The following COL11A1 variants were observed in gnomAD, a reference collection of about 807,000 sequenced individuals.
COL11A1 encodes the protein collagen type XI alpha 1 chain, also known as collagen alpha-1(XI) chain.
A neutral mutation model predicts 265.2 loss-of-function variants in COL11A1; 74 were observed. The observed-to-expected ratio is 0.28, with a 90% CI of 0.23 to 0.34. The LOEUF is 0.34. Among genes scored for constraint, COL11A1 ranks in the 10% least tolerant of loss-of-function variants. The pLI, the probability that COL11A1 is intolerant of heterozygous loss-of-function variation, is 1.00. For synonymous variants in COL11A1, 816 were observed against 727.6 expected, an observed-to-expected ratio of 1.12 and a Z score of -1.96; for missense variants, 2,165 against 2,263.6, an observed-to-expected ratio of 0.96 and a Z score of 0.88.
chr1:103,047,709 T>G (rs1669417032), intron 4 of COL11A1, among the ~76,000 whole-genome samples: 1 of 151,618 alleles, frequency 6.6e-6, no homozygotes, highest in African/African-American at 2.4e-5. Flanking sequence ...CTTCCAGTTT[T>G]TGCCCATTCA....
At chr1:102,959,247 T>C (rs6672647) in intron 41 of COL11A1, among the ~76,000 whole-genome samples, 94,981 of 152,130 alleles carry the variant, frequency 0.62, 31,504 homozygotes, top group East Asian at 0.91. Flanking sequence ...TCAGTAATTA[T>C]ATGTTGTATT....
chr1:102,900,413 T>C (rs1424214386), intron 54 of COL11A1, among the ~76,000 whole-genome samples: 3 of 152,102 alleles, frequency 2.0e-5, no homozygotes, highest in African/African-American at 7.2e-5. Flanking sequence ...TTTAAAATAA[T>C]AACATATGCA....
chr1:103,099,175 A>T lies in COL11A1; in HGVS notation c.106+8898T>A, dbSNP rs975657505. ...TAAATCAGATAAACATACCTATACC[A>T]GTGATTTTAGTGTAACTAAAATATA... is the stretch of plus-strand genomic sequence containing the variant. On this transcript the variant is annotated intron_variant, in intron 1 of 66. Transcript: ENST00000370096. 1.6e-4 allele frequency among the ~76,000 whole-genome samples: 25 copies of T among 151,900 alleles called. No individual in the cohort carries two copies. In the South Asian group the frequency reaches 1.7e-3, roughly 10 times the overall value.
At chr1:103,039,148 T>TACAC (rs1668614424) in intron 4 of COL11A1, among the ~76,000 whole-genome samples, 2 of 152,204 alleles carry the variant, frequency 1.3e-5, no homozygotes, top group African/African-American at 4.8e-5. Flanking sequence ...TTTATTTATT[T>TACAC]TTGAACTGTA....
intron 3 of COL11A1, among the ~76,000 whole-genome samples, chr1:103,078,384 C>T (rs1198370841): frequency 1.3e-5 from 2 of 152,040 alleles, no homozygotes; most frequent in Non-Finnish European, 2.9e-5. Flanking sequence ...CTTAAAACTA[C>T]CCACCCCACT....
intron 4 of COL11A1, among the ~76,000 whole-genome samples, chr1:103,039,703 T>C (rs1232811472): frequency 1.3e-5 from 2 of 152,004 alleles, no homozygotes; most frequent in African/African-American, 2.4e-5. Context: ...CAATTTATTA[T>C]GGCAGCCCTA....
At chr1:103,020,137 A>G (rs997339522) in intron 9 of COL11A1, among the ~76,000 whole-genome samples, 1 of 151,922 alleles carries the variant, frequency 6.6e-6, no homozygotes, top group African/African-American at 2.4e-5. Context: ...TGGTATTTCT[A>G]GTTTTAGATC....
Position 103,048,271 on chromosome 1 carries a change from T to G in COL11A1, c.652-17027A>C, listed in dbSNP as rs527430488. Among the ~76,000 whole-genome samples the G allele has an allele frequency of 2.0e-4, 31 of 152,284 alleles. No homozygotes were observed. The East Asian group carries it at 5.6e-3, about 28-fold the overall frequency. ...GTTGTTAAGCTATTGATTATTGCCT[T>G]AATTTCAGAGCCTGTTATTGGTCTA... is the stretch of plus-strand genomic sequence containing the variant. On this transcript the variant is annotated intron_variant, in intron 4 of 66. Coordinates refer to ENST00000370096, the MANE Select transcript of COL11A1 (RefSeq NM_001854.4).
intron 46 of COL11A1, among the ~76,000 whole-genome samples, chr1:102,928,675 C>T (rs1656957255): frequency 1.3e-5 from 2 of 149,690 alleles, no homozygotes; most frequent in South Asian, 2.1e-4. Context: ...GCCACACTGA[C>T]TTCGACAATG....
rs1474325280 is a variant in COL11A1, at chr1:102,887,052, G to T, written c.4613C>A (p.Pro1538Gln). 1 of 1,613,656 alleles carries T rather than the reference G, an allele frequency of 6.2e-7. No individual in the cohort carries two copies. The highest frequency in any genetic ancestry group is 1.1e-5 in the South Asian group (1 of 91,066). Residue 1538 changes from proline to glutamine, a missense_variant, in exon 63 of 67, where the codon CCA becomes CAA. By Grantham distance (76) the Pro-to-Gln change is moderately conservative. Coordinates refer to ENST00000370096, the MANE Select transcript of COL11A1 (RefSeq NM_001854.4). Reference sequence around the variant, plus strand: ...TAAAGGCTGAATGACTTCACCAGGTGGACCCTGTAAAGAAGATAATGTGAG... The same window carrying T: ...TAAAGGCTGAATGACTTCACCAGGTTGACCCTGTAAAGAAGATAATGTGAG... ...GLPGPPGSPG[P>Q]PGEVIQPLPI...
At chr1:103,039,017 C>T (rs1668603000) in intron 4 of COL11A1, among the ~76,000 whole-genome samples, 1 of 152,122 alleles carries the variant, frequency 6.6e-6, no homozygotes, top group East Asian at 1.9e-4. Flanking sequence ...AAGCCATTTA[C>T]TCAAATAGAA....
At chr1:102,931,960 T>A (rs12180653) in intron 46 of COL11A1, among the ~76,000 whole-genome samples, 119,808 of 148,384 alleles carry the variant, frequency 0.81, 49,072 homozygotes, top group East Asian at 0.99. Flanking sequence ...TCTTCCTCCA[T>A]CCTTTTATTT....
chr1:102,915,516 T>C (rs776137522), intron 50 of COL11A1, 115 bp downstream of exon 50: 1 of 867,440 alleles, frequency 1.2e-6, no homozygotes, highest in Non-Finnish European at 2.0e-6. Context: ...CCTTAATGAG[T>C]TGGGAAGGGA....
intron 5 of COL11A1, among the ~76,000 whole-genome samples, chr1:103,027,753 C>G (rs1161801565): frequency 2.6e-5 from 4 of 151,830 alleles, no homozygotes; most frequent in Admixed American, 6.6e-5. Context: ...TAAGTAAATG[C>G]ATAAAGGGCC....
intron 66 of COL11A1, among the ~76,000 whole-genome samples, chr1:102,878,707 C>T (rs565172058): frequency 1.3e-5 from 2 of 151,422 alleles, no homozygotes; most frequent in East Asian, 3.9e-4. Context: ...TGAGGTTTCA[C>T]TTTGTTGGCC....
At chr1:102,895,346 G>A (rs1652287568) in intron 57 of COL11A1, among the ~76,000 whole-genome samples, 1 of 152,166 alleles carries the variant, frequency 6.6e-6, no homozygotes, top group African/African-American at 2.4e-5. Flanking sequence ...AGAGATGAAA[G>A]TAGGTAAGTT....
At chr1:103,067,996 G>C (rs1052104249) in intron 4 of COL11A1, among the ~76,000 whole-genome samples, 2 of 151,466 alleles carry the variant, frequency 1.3e-5, no homozygotes, top group African/African-American at 4.8e-5. Context: ...AATTTTCACT[G>C]GTTAATTCTA....
intron 26 of COL11A1, among the ~76,000 whole-genome samples, chr1:102,996,704 G>A (rs1337948121): frequency 6.6e-6 from 1 of 151,738 alleles, no homozygotes; most frequent in Non-Finnish European, 1.5e-5. Context: ...ATAGCCATTG[G>A]TCTTAATTTA....
rs564144323 is a variant in COL11A1, at chr1:103,036,295, T to C, written c.652-5051A>G. ...AATTATAATGAATCAAGTGAATCTATTGCTGAAAAACAAAAAAGTTGCTAT... is the reference window on the plus strand; with the variant it reads ...AATTATAATGAATCAAGTGAATCTACTGCTGAAAAACAAAAAAGTTGCTAT... On this transcript the variant is annotated intron_variant, in intron 4 of 66. Coordinates refer to ENST00000370096, the MANE Select transcript of COL11A1 (RefSeq NM_001854.4). 2.7e-4 allele frequency among the ~76,000 whole-genome samples: 39 copies of C among 144,546 alleles called. No homozygotes were observed. The South Asian group carries it at 8.2e-3, about 30-fold the overall frequency. The allele number at this position is 144,546 out of a possible 152,430, so 94.8% of individuals were successfully genotyped here.
Sources: allele counts gnomAD v4.1 joint callset (sites outside exome capture counted in the v4.1 genomes callset), GRCh38; gene constraint gnomAD v4.1.1; transcripts MANE v1.5; gene names NCBI Gene and HGNC (gene_info 2026-07-23, HGNC 2026-07-21).